Variants in SLC12A1 observed in about 807,000 individuals in gnomAD.
SLC12A1 encodes solute carrier family 12 member 1, also known as Na-K-2Cl cotransporter.
SLC12A1 carries 89 observed loss-of-function variants against 130.4 expected under a neutral mutation model. The observed-to-expected ratio is 0.68, with a 90% confidence interval of 0.58 to 0.81. The LOEUF (loss-of-function observed/expected upper bound fraction) is 0.81, where lower values mean the gene tolerates loss of function less well. Ranked by LOEUF, SLC12A1 falls within the 40% of genes least tolerant of loss-of-function variation. The pLI is 0.00. For missense variants in SLC12A1, 1,310 were observed against 1,336.4 expected (o/e 0.98, Z 0.31); for synonymous variants, 499 against 460.0 (o/e 1.08, Z -1.09).
chr15:48,242,448 G>A (rs1753287476), intron 10 of SLC12A1, among the ~76,000 whole-genome samples: 1 of 152,130 alleles, frequency 6.6e-6, no homozygotes, highest in African/African-American at 2.4e-5. Context: ...AAGAAAAAAT[G>A]AACTTAAATC....
At chr15:48,283,832 T>A (rs2042031322) in intron 20 of SLC12A1, among the ~76,000 whole-genome samples, 2 of 152,182 alleles carry the variant, frequency 1.3e-5, no homozygotes, top group East Asian at 3.9e-4. Context: ...GGCAATAAGA[T>A]GAGGGCATCT....
chr15:48,291,718 C>A (rs2042123203), intron 23 of SLC12A1, 60 bp from the exon 24 acceptor site: 3 of 1,047,628 alleles, frequency 2.9e-6, no homozygotes, highest in Non-Finnish European at 4.3e-6. Context: ...AAACAAAAAA[C>A]TCTTTGATTG....
At chr15:48,245,578 C>A (rs904138432) in intron 11 of SLC12A1, among the ~76,000 whole-genome samples, 2 of 152,166 alleles carry the variant, frequency 1.3e-5, no homozygotes, top group African/African-American at 4.8e-5. Context: ...GCTGCATCCA[C>A]GTTGCTGCAA....
intron 17 of SLC12A1, among the ~76,000 whole-genome samples, chr15:48,265,800 G>A (rs2041825731): frequency 6.6e-6 from 1 of 152,138 alleles, no homozygotes; most frequent in Non-Finnish European, 1.5e-5. Context: ...AGGGACCCCA[G>A]AGATTGAATG....
At chr15:48,222,108 C>T (rs181329847) in intron 4 of SLC12A1, among the ~76,000 whole-genome samples, 21 of 152,258 alleles carry the variant, frequency 1.4e-4, no homozygotes, top group African/African-American at 5.1e-4. Flanking sequence ...TGCTCACAGC[C>T]GCAGGGTCCA....
intron 15 of SLC12A1, 130 bp downstream of exon 15, chr15:48,251,900 A>C: frequency 1.3e-6 from 1 of 764,384 alleles, no homozygotes; most frequent in South Asian, 1.9e-5. Context: ...AATATCGTGC[A>C]ATATAATAGT....
intron 24 of SLC12A1, among the ~76,000 whole-genome samples, chr15:48,293,901 C>T (rs1035114342): frequency 5.3e-5 from 8 of 151,782 alleles, no homozygotes; most frequent in East Asian, 1.9e-4. Flanking sequence ...TGCCAGGCTT[C>T]GTGGTGTATG....
In SLC12A1 at chr15:48,300,524, C is replaced by T. The variant is rs144836713; in HGVS notation, c.3097-791C>T. Among the ~76,000 whole-genome samples, 22 of 152,168 alleles carry T rather than the reference C, an allele frequency of 1.4e-4. No individual in the cohort carries two copies. The East Asian group carries it at 4.2e-3, about 29-fold the overall frequency. On this transcript the variant is annotated intron_variant, in intron 25 of 26. Coordinates refer to ENST00000380993, the MANE Select transcript of SLC12A1 (RefSeq NM_000338.3). ...TGGACTGACTGCCCACCATGCCCTA[C>T]ATAAACCACATTAGGAGCTGAACTT...
rs201247770 is a variant in SLC12A1, at chr15:48,208,116, G to A, written c.397G>A (p.Glu133Lys). 4 of 1,591,336 alleles carry A rather than the reference G, an allele frequency of 2.5e-6. No homozygotes were observed. The Admixed American group carries it at 7.0e-5, about 28-fold the overall frequency. ...CAAGGTCAACCGACCCAGCCTGCTT[G>A]AGATTCACGAGCAACTCGCAAAGGT... ...GPKVNRPSLL[E>K]IHEQLAKNVA... Residue 133 changes from glutamate (E) to lysine (K), a missense_variant, in exon 2 of 27, where the codon GAG becomes AAG. Coordinates refer to ENST00000380993, the MANE Select transcript of SLC12A1 (RefSeq NM_000338.3).
intron 26 of SLC12A1, 116 bp downstream of exon 26, chr15:48,301,498 T>G: frequency 2.1e-6 from 1 of 478,084 alleles, no homozygotes; most frequent in Non-Finnish European, 3.2e-6. Context: ...TTTTGTGTTT[T>G]TTTTGGGGGG....
chr15:48,220,864 G>T (rs374717287), intron 3 of SLC12A1, 57 bp from the exon 4 acceptor site: 1 of 1,610,402 alleles, frequency 6.2e-7, no homozygotes, highest in Non-Finnish European at 8.5e-7. Flanking sequence ...GAAGAGCCCC[G>T]GGTTTTGTCC....
At chr15:48,290,412 G>A (rs532816835) in intron 23 of SLC12A1, among the ~76,000 whole-genome samples, 27 of 152,198 alleles carry the variant, frequency 1.8e-4, no homozygotes, top group African/African-American at 6.5e-4. Context: ...ATAATAAAAG[G>A]TATAGTATGT....
chr15:48,277,484 A>AAAGCAAGAGAGGAATGGTTTACTTCTAT (rs376765276), intron 20 of SLC12A1, among the ~76,000 whole-genome samples: 6,854 of 152,118 alleles, frequency 0.045, 175 homozygotes, highest in African/African-American at 0.052. Flanking sequence ...TTTACTTCTA[A>AAAGCAAGAGAGGAATGGTTTACTTCTAT]AAGCAAGAGA....
rs2041206440 is a variant in SLC12A1, at chr15:48,221,003, AT to A, written c.628+12del. 2 of 1,612,988 alleles carry A rather than the reference AT, an allele frequency of 1.2e-6. No individual in the cohort carries two copies. Among genetic ancestry groups the A allele is most frequent in the African/African-American group, 1.3e-5 (1 of 74,892 alleles). ...GTTGGAGAAGCTGGAATTGGTAAGC[AT>A]TTTTCCCCTCCTAAATAATTTTGCA... On this transcript the variant is annotated splice_region_variant and intron_variant, in intron 4 of 26. Coordinates refer to ENST00000380993, the MANE Select transcript of SLC12A1 (RefSeq NM_000338.3).
rs2041004361 is a variant in SLC12A1 at position 48,208,106 on chromosome 15, C to T, written c.387C>T (p.Pro129=). 6 of 1,600,586 alleles carry T rather than the reference C, an allele frequency of 3.7e-6. No individual in the cohort carries two copies. Among genetic ancestry groups the T allele is most frequent in the African/African-American group, 2.7e-5 (2 of 74,482 alleles). Residue 129 remains proline, a synonymous_variant, in exon 2 of 27, where the codon CCC becomes CCT. Coordinates refer to ENST00000380993, the MANE Select transcript of SLC12A1 (RefSeq NM_000338.3). ...TCAGTGGGCCCAAGGTCAACCGACCCAGCCTGCTTGAGATTCACGAGCAAC... is the reference window on the plus strand; with the variant it reads ...TCAGTGGGCCCAAGGTCAACCGACCTAGCCTGCTTGAGATTCACGAGCAAC... ...GSISGPKVNR[P]SLLEIHEQLA... is the part of the protein sequence containing the mutation.
intron 24 of SLC12A1, among the ~76,000 whole-genome samples, chr15:48,295,754 C>T (rs1486812528): frequency 6.6e-6 from 1 of 152,200 alleles, no homozygotes; most frequent in Admixed American, 6.5e-5. Flanking sequence ...ATATACCCTG[C>T]TGACGAAACA....
In SLC12A1 at chr15:48,208,090, C is replaced by G; in HGVS notation, c.371C>G (p.Pro124Arg). The change falls in exon 2 of 27, where the codon CCC (proline) becomes CGC (arginine). Residue 124 changes from proline (P) to arginine (R), a missense_variant. Transcript: ENST00000380993. ...CGTAACACCGGCAGCATCAGTGGGC[C>G]CAAGGTCAACCGACCCAGCCTGCTT... ...YYRNTGSISG[P>R]KVNRPSLLEI... is the part of the protein sequence containing the mutation. 6.2e-7 allele frequency: 1 copy of G among 1,610,082 alleles called. No homozygotes were observed. The highest frequency in any genetic ancestry group is 8.5e-7 in the Non-Finnish European group (1 of 1,177,400).
At chr15:48,237,674 C>T (rs555511279) in intron 9 of SLC12A1, among the ~76,000 whole-genome samples, 1 of 152,290 alleles carries the variant, frequency 6.6e-6, no homozygotes, top group East Asian at 1.9e-4. Flanking sequence ...ACTTTTAACA[C>T]ATACACTACT....
intron 16 of SLC12A1, 130 bp downstream of exon 16, chr15:48,256,040 C>G: frequency 1.5e-6 from 1 of 670,340 alleles, no homozygotes; most frequent in South Asian, 1.7e-5. Context: ...TCATACAAAA[C>G]TGCCACATTT....
Sources: allele counts gnomAD v4.1 joint callset (sites outside exome capture counted in the v4.1 genomes callset), GRCh38; gene constraint gnomAD v4.1.1; transcripts MANE v1.5; gene names NCBI Gene and HGNC (gene_info 2026-07-23, HGNC 2026-07-21).